RALGAPA2: variants seen among roughly 807,000 people sequenced by gnomAD.
The protein encoded by RALGAPA2 is Ral GTPase activating protein catalytic subunit alpha 2.
In RALGAPA2, 139 loss-of-function variants were observed where a neutral mutation model predicts 230.4. The ratio of observed to expected loss-of-function variants is 0.60; its 90% CI spans 0.53 to 0.69. The LOEUF is 0.69. Among genes scored for constraint, RALGAPA2 ranks in the 30% least tolerant of loss-of-function variants. The pLI, the probability that RALGAPA2 is intolerant of heterozygous loss-of-function variation, is 0.00. For synonymous variants in RALGAPA2, 847 were observed against 837.8 expected (o/e 1.01, Z -0.19); for missense variants, 2,163 against 2,276.0 (o/e 0.95, Z 1.01).
At chr20:20,543,236 G>A (rs111415190) in intron 24 of RALGAPA2, among the ~76,000 whole-genome samples, 1,673 of 152,016 alleles carry the variant, frequency 0.011, 25 homozygotes, top group African/African-American at 0.038. Context: ...TATTAGAGGC[G>A]GGGTTTCACT....
chr20:20,665,839 G>A (rs996985425), intron 3 of RALGAPA2, among the ~76,000 whole-genome samples: 3 of 152,168 alleles, frequency 2.0e-5, no homozygotes, highest in African/African-American at 4.8e-5. Flanking sequence ...CCAGTATCCA[G>A]TACAGGCGAT....
At chr20:20,685,349 G>A (rs1393309901) in intron 1 of RALGAPA2, among the ~76,000 whole-genome samples, 1 of 152,204 alleles carries the variant, frequency 6.6e-6, no homozygotes, top group Non-Finnish European at 1.5e-5. Flanking sequence ...ACCAAAACAG[G>A]GAGTGGACAA....
At chr20:20,514,578 A>G (rs1299020061) in intron 31 of RALGAPA2, among the ~76,000 whole-genome samples, 1 of 152,186 alleles carries the variant, frequency 6.6e-6, no homozygotes, top group Non-Finnish European at 1.5e-5. Flanking sequence ...ATTATGGTAC[A>G]GTGGAGCCCA....
At chr20:20,510,330 G>A (rs2145326945) in intron 33 of RALGAPA2, among the ~76,000 whole-genome samples, 1 of 152,244 alleles carries the variant, frequency 6.6e-6, no homozygotes, top group Non-Finnish European at 1.5e-5. Context: ...TTACTTCTCA[G>A]CCAGCAACTG....
chr20:20,646,387 CA>C (rs2067216483), intron 4 of RALGAPA2, among the ~76,000 whole-genome samples: 1 of 152,140 alleles, frequency 6.6e-6, no homozygotes, highest in Admixed American at 6.5e-5. Context: ...ATTATCAAGT[CA>C]TTTCTCATTT....
At chr20:20,583,309 A>AAC (rs1312959105) in intron 19 of RALGAPA2, 83 bp from the exon 20 acceptor site, 3 of 1,367,832 alleles carry the variant, frequency 2.2e-6, no homozygotes, top group African/African-American at 2.9e-5. Context: ...GAAAGTAACT[A>AAC]AACAAACAGC....
At chr20:20,636,760 C>T (rs142875743) in intron 8 of RALGAPA2, among the ~76,000 whole-genome samples, 1 of 152,266 alleles carries the variant, frequency 6.6e-6, no homozygotes, top group East Asian at 1.9e-4. Flanking sequence ...ACCTTTACCA[C>T]TCTAAGGGAT....
intron 36 of RALGAPA2, among the ~76,000 whole-genome samples, chr20:20,492,329 C>G (rs923444592): frequency 2.0e-5 from 3 of 152,040 alleles, no homozygotes; most frequent in African/African-American, 7.2e-5. Context: ...TACACAGGTG[C>G]TAAAAGAATG....
intron 30 of RALGAPA2, among the ~76,000 whole-genome samples, chr20:20,522,843 C>T (rs551852699): frequency 5.3e-4 from 81 of 152,280 alleles, no homozygotes; most frequent in African/African-American, 1.5e-3. Flanking sequence ...AGAAAGAACT[C>T]AGAAAAGAGA....
intron 3 of RALGAPA2, among the ~76,000 whole-genome samples, chr20:20,672,815 CAT>C (rs1361028496): frequency 6.6e-6 from 1 of 152,112 alleles, no homozygotes; most frequent in Admixed American, 6.6e-5. Context: ...GAGAAACATA[CAT>C]ATACCAAGCA....
intron 37 of RALGAPA2, among the ~76,000 whole-genome samples, chr20:20,419,930 A>T (rs543740337): frequency 6.6e-6 from 1 of 152,348 alleles, no homozygotes; most frequent in South Asian, 2.1e-4. Flanking sequence ...TGCCACCAGC[A>T]ATCCTGCATT....
At chr20:20,515,110 C>A in intron 31 of RALGAPA2, among the ~76,000 whole-genome samples, 1 of 152,230 alleles carries the variant, frequency 6.6e-6, no homozygotes, top group East Asian at 1.9e-4. Context: ...ACTGTGCATT[C>A]CATGGACCAC....
At chr20:20,456,516 T>C (rs2061124474) in intron 37 of RALGAPA2, among the ~76,000 whole-genome samples, 1 of 152,246 alleles carries the variant, frequency 6.6e-6, no homozygotes, top group Non-Finnish European at 1.5e-5. Flanking sequence ...CCTTGTGACC[T>C]GCTGTGGCCA....
At chr20:20,635,680 C>T (rs1322430096) in intron 8 of RALGAPA2, 63 bp from the exon 9 acceptor site, 1 of 1,344,668 alleles carries the variant, frequency 7.4e-7, no homozygotes, top group Admixed American at 2.8e-5. Context: ...GTAATCCCTA[C>T]AAATGTTTTG....
chr20:20,710,404 G>C (rs145676809), intron 1 of RALGAPA2, among the ~76,000 whole-genome samples: 396 of 152,204 alleles, frequency 2.6e-3, no homozygotes, highest in African/African-American at 9.2e-3. Context: ...TACTTTTTAA[G>C]TCTTTAATAA....
chr20:20,509,808 T>C (rs1473982848), intron 33 of RALGAPA2, among the ~76,000 whole-genome samples: 1 of 152,222 alleles, frequency 6.6e-6, no homozygotes, highest in Non-Finnish European at 1.5e-5. Flanking sequence ...ATGGAAACAA[T>C]ACATAGCTGT....
intron 3 of RALGAPA2, among the ~76,000 whole-genome samples, chr20:20,658,631 C>T (rs1175213902): frequency 6.6e-6 from 1 of 152,226 alleles, no homozygotes; most frequent in Non-Finnish European, 1.5e-5. Context: ...TTATAGTACA[C>T]TCGAAATCGA....
intron 13 of RALGAPA2, among the ~76,000 whole-genome samples, chr20:20,612,414 G>A (rs1568648675): frequency 2.6e-5 from 4 of 152,304 alleles, no homozygotes; most frequent in African/African-American, 9.6e-5. Flanking sequence ...ATAGGACAAA[G>A]TAATCAGATG....
rs112762096 is a variant in RALGAPA2, at chr20:20,524,202, C to T, written c.3900+204G>A. On this transcript the variant is annotated intron_variant, in intron 30 of 39. Coordinates refer to ENST00000202677, the MANE Select transcript of RALGAPA2 (RefSeq NM_020343.4). ...CAATCTCCTGACCTTGTGATCTGCC[C>T]GCCTCGGCCTCCCAAAGTGCTGGGA... Among the ~76,000 whole-genome samples the T allele has an allele frequency of 6.6e-3, 1,004 of 152,240 alleles. 10 individuals are homozygous for T. Among genetic ancestry groups the T allele is most frequent in the African/African-American group, 0.023 (955 of 41,538 alleles).
Sources: allele counts gnomAD v4.1 joint callset (sites outside exome capture counted in the v4.1 genomes callset), GRCh38; gene constraint gnomAD v4.1.1; transcripts MANE v1.5; gene names NCBI Gene and HGNC (gene_info 2026-07-23, HGNC 2026-07-21).